The following COXFA4 variants were observed in gnomAD, a reference collection of about 807,000 sequenced individuals.
COXFA4 encodes cytochrome c oxidase associated subunit FA4.
At chr7:10,934,778 G>A in the COXFA4 span, among the ~76,000 whole-genome samples, 4 of 152,014 alleles carry the variant, frequency 2.6e-5, no homozygotes, top group South Asian at 2.1e-4. Context: ...CCAAGTTATC[G>A]TTGAGATACA....
chr7:10,939,893 G>T, the COXFA4 span: 1 of 1,072,786 alleles, frequency 9.3e-7, no homozygotes, highest in Non-Finnish European at 1.4e-6. Context: ...ACTAGGCGAG[G>T]CAGGGTCTGG....
chr7:10,934,389 A>AAAAAC, the COXFA4 span, among the ~76,000 whole-genome samples: 1 of 151,508 alleles, frequency 6.6e-6, no homozygotes, highest in African/African-American at 2.4e-5. Context: ...AAAAAAAAAA[A>AAAAAC]AAAAACTCCC....
At chr7:10,937,825 T>G in the COXFA4 span, 1 of 438,806 alleles carries the variant, frequency 2.3e-6, no homozygotes, top group Non-Finnish European at 4.1e-6. Flanking sequence ...TTGAGAACAC[T>G]GTGTTAGACT....
At chr7:10,938,704 T>G in the COXFA4 span, 1 of 822,776 alleles carries the variant, frequency 1.2e-6, no homozygotes, top group Non-Finnish European at 2.1e-6. Flanking sequence ...TGACTGTAAA[T>G]GTAACATTCT....
chr7:10,939,207 T>C, the COXFA4 span: 1 of 294,934 alleles, frequency 3.4e-6, no homozygotes, highest in Non-Finnish European at 6.6e-6. Context: ...TTCACCTCTC[T>C]AATATTTACA....
chr7:10,933,481 A>C, the COXFA4 span: 2 of 595,804 alleles, frequency 3.4e-6, no homozygotes, highest in Admixed American at 6.3e-5. Context: ...TTATTGATTT[A>C]ATCATTGTAA....
the COXFA4 span, chr7:10,938,765 C>T: frequency 6.8e-7 from 1 of 1,471,414 alleles, no homozygotes; most frequent in Non-Finnish European, 9.5e-7. Context: ...TCCTAAACTG[C>T]CTTGATCAGC....
chr7:10,933,185 A>C, the COXFA4 span: 1 of 169,486 alleles, frequency 5.9e-6, no homozygotes, highest in African/African-American at 2.4e-5. Flanking sequence ...TTCAACAGCC[A>C]GTAAGAGAAA....
At chr7:10,938,967 G>C in the COXFA4 span, 3 of 1,149,740 alleles carry the variant, frequency 2.6e-6, no homozygotes, top group South Asian at 3.7e-5. Context: ...GATTACAGTA[G>C]TTTCTGCACA....
At chr7:10,935,574 C>G in the COXFA4 span, among the ~76,000 whole-genome samples, 4 of 152,190 alleles carry the variant, frequency 2.6e-5, no homozygotes, top group Non-Finnish European at 4.4e-5. Context: ...TATTTGGAGG[C>G]TGGGCCTTTG....
the COXFA4 span, chr7:10,938,001 T>C: frequency 9.7e-7 from 1 of 1,029,302 alleles, no homozygotes; most frequent in South Asian, 1.3e-5. Flanking sequence ...GGAATTTTAC[T>C]CGTATATCCA....
chr7:10,932,118 T>C, the COXFA4 span: 1 of 152,206 alleles, frequency 6.6e-6, no homozygotes, highest in Non-Finnish European at 1.5e-5. Context: ...CATTTGGTAA[T>C]GTCTCCATTC....
the COXFA4 span, chr7:10,932,718 C>T: frequency 2.6e-5 from 4 of 152,050 alleles, no homozygotes; most frequent in Non-Finnish European, 5.9e-5. Context: ...GCCTGTAATC[C>T]CAGCACCCTG....
chr7:10,932,547 G>A, the COXFA4 span: 12 of 152,090 alleles, frequency 7.9e-5, no homozygotes, highest in African/African-American at 2.9e-4. Context: ...GTATACTTAC[G>A]TATGAAAATC....
At chr7:10,935,750 A>G in the COXFA4 span, among the ~76,000 whole-genome samples, 1 of 152,330 alleles carries the variant, frequency 6.6e-6, no homozygotes, top group East Asian at 1.9e-4. Flanking sequence ...CTGAGGAATA[A>G]ATTTGTTGTT....
chr7:10,937,213 T>TTA, the COXFA4 span, among the ~76,000 whole-genome samples: 1 of 151,910 alleles, frequency 6.6e-6, no homozygotes, highest in Admixed American at 6.6e-5. Context: ...ATTGAGTGAG[T>TTA]TATAAACTTT....
the COXFA4 span, chr7:10,939,685 C>T: frequency 4.9e-6 from 2 of 405,912 alleles, no homozygotes; most frequent in East Asian, 1.1e-4. Context: ...GTCTCTGACC[C>T]ACACAGCGCA....
chr7:10,937,572 C>G, the COXFA4 span, among the ~76,000 whole-genome samples: 3 of 152,090 alleles, frequency 2.0e-5, no homozygotes, highest in African/African-American at 7.2e-5. Context: ...CATAAGCCAC[C>G]GTGCCTGGCC....
the COXFA4 span, among the ~76,000 whole-genome samples, chr7:10,935,677 G>C: frequency 6.6e-6 from 1 of 152,162 alleles, no homozygotes; most frequent in East Asian, 1.9e-4. Flanking sequence ...GACACAACTG[G>C]ATTGGGCCCT....
Sources: allele counts gnomAD v4.1 joint callset (sites outside exome capture counted in the v4.1 genomes callset), GRCh38; gene constraint gnomAD v4.1.1; transcripts MANE v1.5; gene names NCBI Gene and HGNC (gene_info 2026-07-23, HGNC 2026-07-21).